The following TMEM33 variants were observed in gnomAD, a reference collection of about 807,000 sequenced individuals.
TMEM33 encodes transmembrane protein 33.
TMEM33 carries 16 observed loss-of-function variants against 29.7 expected under a neutral mutation model. The observed-to-expected ratio is 0.54, with a 90% CI of 0.36 to 0.82. The LOEUF (loss-of-function observed/expected upper bound fraction) is 0.82. Among genes scored for constraint, TMEM33 ranks in the 40% least tolerant of loss-of-function variants. The pLI is 0.00. For missense variants in TMEM33, 252 were observed against 295.3 expected (o/e 0.85, Z 1.08); for synonymous variants, 112 against 109.4 (o/e 1.02, Z -0.15).
intron 3 of TMEM33, among the ~76,000 whole-genome samples, chr4:41,943,538 G>T (rs961439398): frequency 2.7e-5 from 4 of 148,308 alleles, no homozygotes; most frequent in African/African-American, 1.0e-4. Context: ...AAAAAAAAAA[G>T]AACTGTGAAT....
At chr4:41,947,960 T>G (rs1712867710) in intron 5 of TMEM33, among the ~76,000 whole-genome samples, 1 of 152,200 alleles carries the variant, frequency 6.6e-6, no homozygotes, top group African/African-American at 2.4e-5. Flanking sequence ...GTACGGAGTT[T>G]GTTACATAAT....
chr4:41,939,090 TGACAA>T, intron 2 of TMEM33, 101 bp from the exon 3 acceptor site: 1 of 1,122,338 alleles, frequency 8.9e-7, no homozygotes, highest in African/African-American at 1.6e-5. Context: ...TTTTTTCTAT[TGACAA>T]GTGATTTAGG....
intron 3 of TMEM33, among the ~76,000 whole-genome samples, chr4:41,943,300 A>G (rs1370352209): frequency 6.6e-6 from 1 of 152,192 alleles, no homozygotes; most frequent in Non-Finnish European, 1.5e-5. Flanking sequence ...CGAGGTGGGC[A>G]TATCACCTGT....
chr4:41,943,710 A>G, intron 3 of TMEM33, 37 bp from the exon 4 acceptor site: 3 of 1,584,712 alleles, frequency 1.9e-6, no homozygotes, highest in Non-Finnish European at 2.6e-6. Flanking sequence ...AGAATACTTG[A>G]TGACTTTTAA....
intron 6 of TMEM33, among the ~76,000 whole-genome samples, chr4:41,950,893 GA>G (rs1304043654): frequency 6.6e-6 from 1 of 152,062 alleles, no homozygotes; most frequent in Admixed American, 6.6e-5. Flanking sequence ...TCAGTGGACT[GA>G]AAAGGAAAGG....
chr4:41,938,516 T>C, intron 1 of TMEM33, 86 bp from the exon 2 acceptor site: 2 of 1,223,126 alleles, frequency 1.6e-6, no homozygotes, highest in Non-Finnish European at 2.4e-6. Flanking sequence ...TAAAATATTT[T>C]GAGTAGACAT....
At chr4:41,953,868 G>A (rs1713147835) in intron 6 of TMEM33, 1 of 626,880 alleles carries the variant, frequency 1.6e-6, no homozygotes, top group Non-Finnish European at 2.9e-6. Flanking sequence ...TGAAATAGTG[G>A]AAGAATTGGC....
At chr4:41,939,632 A>G (rs1712420372) in intron 3 of TMEM33, 1 of 568,202 alleles carries the variant, frequency 1.8e-6, no homozygotes, top group Non-Finnish European at 3.3e-6. Context: ...TAGAATGGAT[A>G]TTTTCAAATT....
At position 41,939,310 on chromosome 4, in the gene TMEM33, C is replaced by T; in HGVS notation, c.255C>T (p.Ala85=). 1 of 1,613,868 alleles carries T rather than the reference C, an allele frequency of 6.2e-7. No individual in the cohort carries two copies. Among genetic ancestry groups the T allele is most frequent in the Non-Finnish European group, 8.5e-7 (1 of 1,179,932 alleles). ...PHFQLSRAFL[A]QALLEDSCHY... ...TCCAGTTAAGCAGAGCATTCCTGGC[C>T]CAGGCTTTGTTAGAGGACAGCTGCC... Residue 85 remains alanine, a synonymous_variant, in exon 3 of 7, where the codon GCC becomes GCT. Transcript: ENST00000504986.
In TMEM33 at chr4:41,951,465, C is replaced by T. The variant is rs188088456; in HGVS notation, c.614+2080C>T. Among the ~76,000 whole-genome samples the T allele has an allele frequency of 1.1e-3, 163 of 152,304 alleles. 4 individuals carry two copies. The highest frequency in any genetic ancestry group is 7.7e-3 in the East Asian group (40 of 5,182). On this transcript the variant is annotated intron_variant, in intron 6 of 6. Transcript: ENST00000504986. ...CTGTTGTCCGTGCTGTTAAGGAACT[C>T]TGACTTGGTCTGTGCCAGCGATGCA...
chr4:41,951,980 A>G (rs1577655458), intron 6 of TMEM33, among the ~76,000 whole-genome samples: 1 of 152,320 alleles, frequency 6.6e-6, no homozygotes, highest in East Asian at 1.9e-4. Context: ...CCATGATGAA[A>G]TCTGATTTAG....
rs56187334 is a variant in TMEM33 at position 41,955,977 on chromosome 4, G to T, written c.*1778G>T. The T allele has an allele frequency of 0.12, 18,558 of 151,674 alleles. 1,822 individuals are homozygous for T. The highest frequency in any genetic ancestry group is 0.28 in the African/African-American group (11,540 of 41,016). The allele number at this position is 151,674 out of a possible 1,614,324, so 9.4% of individuals were successfully genotyped here. ...CAGAAATGTACAAGAGAGTTTTTTT[G>T]TTGTTGTTTTTGTTTTTTGAGACAG... On this transcript the variant is annotated 3_prime_UTR_variant, in exon 7 of 7. Transcript: ENST00000504986.
rs116044330 is a variant in TMEM33 at position 41,939,462 on chromosome 4, A to G, written c.328+79A>G. Reference sequence around the variant, plus strand: ...TCTCTTCTGATTATTTCAGCAATGAAGGCATTCCATGAAGCCTGGGTTTGT... The same window carrying G: ...TCTCTTCTGATTATTTCAGCAATGAGGGCATTCCATGAAGCCTGGGTTTGT... On this transcript the variant is annotated intron_variant, in intron 3 of 6. Coordinates refer to ENST00000504986, the MANE Select transcript of TMEM33 (RefSeq NM_018126.3). The G allele has an allele frequency of 6.0e-3, 8,874 of 1,478,802 alleles. 61 individuals carry two copies. Among genetic ancestry groups the G allele is most frequent in the East Asian group, 0.033 (1,459 of 43,972 alleles). The allele number at this position is 1,478,802 out of a possible 1,614,324, so 91.6% of individuals were successfully genotyped here. A position where few individuals can be genotyped will look rare whatever the true frequency, so the allele number is the denominator to read the frequency against.
intron 1 of TMEM33, among the ~76,000 whole-genome samples, chr4:41,935,798 C>T (rs550341808): frequency 6.6e-6 from 1 of 152,194 alleles, no homozygotes; most frequent in Non-Finnish European, 1.5e-5. Flanking sequence ...TTCCTCTTCT[C>T]CCACCTCGGT....
At position 41,951,101 on chromosome 4, in the gene TMEM33, A is replaced by G. The variant is rs10034747; in HGVS notation, c.614+1716A>G. On this transcript the variant is annotated intron_variant, in intron 6 of 6. Transcript: ENST00000504986. Reference sequence around the variant, plus strand: ...AAAGGTTTTGAGACCATCTCTATTCACAATTTGTACCATTTTCACCTACGA... The same window carrying G: ...AAAGGTTTTGAGACCATCTCTATTCGCAATTTGTACCATTTTCACCTACGA... 5.0e-3 allele frequency among the ~76,000 whole-genome samples: 767 copies of G among 152,256 alleles called. 7 individuals carry two copies. The highest frequency in any genetic ancestry group is 0.018 in the African/African-American group (728 of 41,544).
rs140512775 is a variant in TMEM33 at position 41,948,591 on chromosome 4, T to C, written c.531-711T>C. ...TTGTAATAATATGTGTAGTTTTATA[T>C]TCTGCTTTTTTCAGAGTTGCTATGT... On this transcript the variant is annotated intron_variant, in intron 5 of 6. Coordinates refer to ENST00000504986, the MANE Select transcript of TMEM33 (RefSeq NM_018126.3). 2.3e-3 allele frequency among the ~76,000 whole-genome samples: 345 copies of C among 152,228 alleles called. 2 individuals carry two copies. Among genetic ancestry groups the C allele is most frequent in the African/African-American group, 7.8e-3 (324 of 41,570 alleles).
chr4:41,944,783 T>G lies in TMEM33; in HGVS notation c.397-10T>G. ...CACTTATTTCTAATGTTGGTTTTCT[T>G]TTGTTTTAGGCAAGGGGCTCAAATA... On this transcript the variant is annotated splice_polypyrimidine_tract_variant and intron_variant, in intron 4 of 6. Transcript: ENST00000504986. The G allele has an allele frequency of 6.2e-7, 1 of 1,611,638 alleles. No individual in the cohort carries two copies. The highest frequency in any genetic ancestry group is 8.5e-7 in the Non-Finnish European group (1 of 1,179,276).
intron 3 of TMEM33, among the ~76,000 whole-genome samples, chr4:41,940,807 C>CAAAAAAAAA: frequency 1.9e-5 from 1 of 53,274 alleles, no homozygotes; most frequent in Non-Finnish European, 3.9e-5. Flanking sequence ...GACTCCTTCT[C>CAAAAAAAAA]AAAAAAAAAA....
chr4:41,959,091 A>G lies in TMEM33; in HGVS notation c.*4892A>G, dbSNP rs1030726564. Reference sequence around the variant, plus strand: ...AATTCCACAGAGCCTATATGATATTATAGCTCAACATTTAGTATACCAAAG... The same window carrying G: ...AATTCCACAGAGCCTATATGATATTGTAGCTCAACATTTAGTATACCAAAG... On this transcript the variant is annotated 3_prime_UTR_variant, in exon 7 of 7. Coordinates refer to ENST00000504986, the MANE Select transcript of TMEM33 (RefSeq NM_018126.3). The G allele has an allele frequency of 3.3e-5, 5 of 152,170 alleles. No individual in the cohort carries two copies. The highest frequency in any genetic ancestry group is 2.1e-4 in the South Asian group (1 of 4,834). The allele number at this position is 152,170 out of a possible 1,614,324, so 9.4% of individuals were successfully genotyped here. A position where few individuals can be genotyped will look rare whatever the true frequency, so the allele number is the denominator to read the frequency against.
Sources: allele counts gnomAD v4.1 joint callset (sites outside exome capture counted in the v4.1 genomes callset), GRCh38; gene constraint gnomAD v4.1.1; transcripts MANE v1.5; gene names NCBI Gene and HGNC (gene_info 2026-07-23, HGNC 2026-07-21).